EXOC5: variants seen among roughly 807,000 people sequenced by gnomAD.
EXOC5 encodes the protein exocyst complex component 5.
Under a neutral mutation model 90.8 loss-of-function variants are expected in EXOC5, and 17 were observed. The ratio of observed to expected loss-of-function variants is 0.19; its 90% CI spans 0.13 to 0.28. The LOEUF (loss-of-function observed/expected upper bound fraction) is 0.28. Ranked by LOEUF, EXOC5 falls within the 10% of genes least tolerant of loss-of-function variation. EXOC5 has a pLI of 1.00. For synonymous variants in EXOC5, 260 were observed against 270.0 expected, an observed-to-expected ratio of 0.96 and a Z score of 0.36; for missense variants, 569 against 830.6, an observed-to-expected ratio of 0.69 and a Z score of 3.87.
chr14:57,267,374 A>G (rs1282562577), intron 1 of EXOC5, among the ~76,000 whole-genome samples: 1 of 152,224 alleles, frequency 6.6e-6, no homozygotes, highest in Admixed American at 6.5e-5. Flanking sequence ...AGCATTATCT[A>G]TCCAAAAGCT....
At chr14:57,263,628 T>C (rs1162361293) in intron 1 of EXOC5, among the ~76,000 whole-genome samples, 1 of 149,346 alleles carries the variant, frequency 6.7e-6, no homozygotes, top group African/African-American at 2.5e-5. Flanking sequence ...TAGCTGGGCA[T>C]GGTGGCAGGC....
chr14:57,205,844 T>G lies in EXOC5; in HGVS notation c.*2765A>C, dbSNP rs1049773355. ...TGATAGTTTTTTAAAACAAGGAAGA[T>G]CCTAAGGACTTGCAACTATGGCAAT... On this transcript the variant is annotated 3_prime_UTR_variant, in exon 18 of 18. Transcript: ENST00000621441. 1.3e-5 allele frequency: 6 copies of G among 454,356 alleles called. No homozygotes were observed. Among genetic ancestry groups the G allele is most frequent in the African/African-American group, 1.2e-4 (6 of 49,946 alleles). The allele number at this position is 454,356 out of a possible 1,614,324, so 28.1% of individuals were successfully genotyped here. A position where few individuals can be genotyped will look rare whatever the true frequency, so the allele number is the denominator to read the frequency against.
Position 57,207,947 on chromosome 14 carries a change from A to G in EXOC5, c.*662T>C, listed in dbSNP as rs1288985597. ...AACTTTTAAGTTTTACCCAGAAAGC[A>G]GAAGTATTCCGATCCACTCCTAATG... On this transcript the variant is annotated 3_prime_UTR_variant, in exon 18 of 18. Coordinates refer to ENST00000621441, the MANE Select transcript of EXOC5 (RefSeq NM_006544.4). 2.0e-5 allele frequency: 3 copies of G among 152,146 alleles called. No homozygotes were observed. Among genetic ancestry groups the G allele is most frequent in the Admixed American group, 1.3e-4 (2 of 15,254 alleles). 9.4% of individuals were successfully genotyped at this position (152,146 alleles called of 1,614,324 possible).
chr14:57,261,492 C>T (rs1188686016), intron 1 of EXOC5, among the ~76,000 whole-genome samples: 1 of 152,228 alleles, frequency 6.6e-6, no homozygotes, highest in Non-Finnish European at 1.5e-5. Flanking sequence ...TCAACCTCTA[C>T]CTCTACCACT....
chr14:57,233,627 T>C (rs928291277), intron 9 of EXOC5, 116 bp downstream of exon 9: 3 of 635,320 alleles, frequency 4.7e-6, no homozygotes, highest in Non-Finnish European at 8.1e-6. Context: ...TTAACTAGAT[T>C]ACTATTTCTA....
intron 1 of EXOC5, chr14:57,268,151 A>C: frequency 5.8e-6 from 1 of 171,922 alleles, no homozygotes; most frequent in Non-Finnish European, 1.2e-5. Flanking sequence ...TACTAATGGA[A>C]TAATTACTCA....
At chr14:57,262,655 CAT>C (rs1265238088) in intron 1 of EXOC5, among the ~76,000 whole-genome samples, 1 of 139,714 alleles carries the variant, frequency 7.2e-6, no homozygotes, top group African/African-American at 2.7e-5. Flanking sequence ...TACATATATA[CAT>C]ATATACATAA....
chr14:57,245,782 G>A (rs1308275948), intron 3 of EXOC5, among the ~76,000 whole-genome samples: 1 of 152,156 alleles, frequency 6.6e-6, no homozygotes, highest in Non-Finnish European at 1.5e-5. Context: ...GCCAGGAGCA[G>A]TAGCTCACAC....
At chr14:57,243,322 T>C (rs998716371) in intron 4 of EXOC5, 2 of 152,228 alleles carry the variant, frequency 1.3e-5, no homozygotes, top group African/African-American at 4.8e-5. Flanking sequence ...CTAAAAATTA[T>C]AAATTCTATA....
intron 11 of EXOC5, 67 bp from the exon 12 acceptor site, chr14:57,229,948 C>T (rs367575393): frequency 4.0e-6 from 4 of 988,854 alleles, no homozygotes; most frequent in Non-Finnish European, 4.2e-6. Context: ...TTGAGTACTT[C>T]CAAACTTAGT....
At chr14:57,234,569 CT>C (rs1196266019) in intron 7 of EXOC5, among the ~76,000 whole-genome samples, 88 of 122,454 alleles carry the variant, frequency 7.2e-4, no homozygotes, top group South Asian at 2.3e-3. Context: ...ATATATATTT[CT>C]TTTTTTTTTT....
chr14:57,209,331 G>A (rs1021452598), intron 17 of EXOC5, among the ~76,000 whole-genome samples: 1 of 151,550 alleles, frequency 6.6e-6, no homozygotes, highest in Non-Finnish European at 1.5e-5. Context: ...TAAGAGACCA[G>A]CCTGGGCAAC....
chr14:57,237,940 A>C (rs1883712908), intron 5 of EXOC5, among the ~76,000 whole-genome samples: 1 of 152,084 alleles, frequency 6.6e-6, no homozygotes, highest in South Asian at 2.1e-4. Flanking sequence ...AAATTAAAAA[A>C]CTAAAATACC....
intron 7 of EXOC5, among the ~76,000 whole-genome samples, 165 bp downstream of exon 7, chr14:57,235,546 T>A (rs901109735): frequency 6.6e-6 from 1 of 152,054 alleles, no homozygotes; most frequent in Non-Finnish European, 1.5e-5. Context: ...TATATAACAT[T>A]CAATACCATT....
chr14:57,239,435 A>T, intron 5 of EXOC5, 160 bp downstream of exon 5: 2 of 561,232 alleles, frequency 3.6e-6, no homozygotes, highest in South Asian at 5.4e-5. Flanking sequence ...TTTACACTGC[A>T]TCTTGTACAA....
At chr14:57,242,072 G>T (rs941294135) in intron 4 of EXOC5, among the ~76,000 whole-genome samples, 1 of 150,024 alleles carries the variant, frequency 6.7e-6, no homozygotes, top group African/African-American at 2.5e-5. Context: ...GGCGGAGGTT[G>T]CAGTGAGCCG....
chr14:57,218,680 T>C (rs1883039926), intron 14 of EXOC5, among the ~76,000 whole-genome samples: 1 of 152,088 alleles, frequency 6.6e-6, no homozygotes, highest in African/African-American at 2.4e-5. Flanking sequence ...GGATTACAAG[T>C]GACTGTTATC....
At chr14:57,230,446 A>AC (rs368164739) in intron 11 of EXOC5, among the ~76,000 whole-genome samples, 32,518 of 148,144 alleles carry the variant, frequency 0.22, 5,057 homozygotes, top group African/African-American at 0.48. Flanking sequence ...CACACACACA[A>AC]ACACACACAC....
At chr14:57,243,066 C>T (rs1405809870) in intron 4 of EXOC5, among the ~76,000 whole-genome samples, 3 of 152,136 alleles carry the variant, frequency 2.0e-5, no homozygotes, top group Non-Finnish European at 4.4e-5. Context: ...AAAACATACA[C>T]AGTGATATAA....
Sources: gnomAD v4.1 joint callset for allele counts (sites outside exome capture counted in the v4.1 genomes callset) on GRCh38, gnomAD v4.1.1 for gene constraint, MANE v1.5 for transcripts, NCBI Gene and HGNC (gene_info 2026-07-23, HGNC 2026-07-21) for gene names.